LRFN5: variants seen among roughly 807,000 people sequenced by gnomAD.
The protein encoded by LRFN5 is leucine-rich repeat and fibronectin type-III domain-containing protein 5.
LRFN5 carries 24 observed loss-of-function variants against 45.6 expected under a neutral mutation model. The ratio of observed to expected loss-of-function variants is 0.53; its 90% CI spans 0.38 to 0.74. The LOEUF (loss-of-function observed/expected upper bound fraction) is 0.74, where lower values mean the gene tolerates loss of function less well. Ranked by LOEUF, LRFN5 falls within the 30% of genes least tolerant of loss-of-function variation. The pLI is 0.00. For missense variants in LRFN5, 776 were observed against 861.5 expected (o/e 0.90, Z 1.24); for synonymous variants, 340 against 313.8 (o/e 1.08, Z -0.88).
At chr14:41,692,126 T>C (rs1185602673) in intron 1 of LRFN5, among the ~76,000 whole-genome samples, 4 of 152,138 alleles carry the variant, frequency 2.6e-5, no homozygotes, top group Non-Finnish European at 5.9e-5. Context: ...AGGGTAGATG[T>C]ATATTAAAAT....
intron 1 of LRFN5, among the ~76,000 whole-genome samples, chr14:41,694,066 TTTA>T (rs763407589): frequency 7.2e-5 from 11 of 152,020 alleles, no homozygotes; most frequent in Non-Finnish European, 1.5e-4. Context: ...ATATACCAAT[TTTA>T]TTATTTTAAT....
intron 4 of LRFN5, 128 bp downstream of exon 4, chr14:41,892,090 C>G (rs1329761587): frequency 1.4e-6 from 2 of 1,456,296 alleles, no homozygotes; most frequent in Non-Finnish European, 1.8e-6. Flanking sequence ...CTAAAAGAAG[C>G]ATGTCTATGA....
At chr14:41,820,157 T>C (rs1208435277) in intron 2 of LRFN5, among the ~76,000 whole-genome samples, 3 of 152,026 alleles carry the variant, frequency 2.0e-5, no homozygotes, top group Non-Finnish European at 4.4e-5. Flanking sequence ...TTGTTGCATT[T>C]GCTTTTGAGG....
At chr14:41,747,060 CAT>C (rs1387972545) in intron 1 of LRFN5, among the ~76,000 whole-genome samples, 2 of 151,880 alleles carry the variant, frequency 1.3e-5, no homozygotes, top group African/African-American at 4.8e-5. Flanking sequence ...TGAAAGAAGA[CAT>C]AGATTAGAAA....
chr14:41,772,668 A>G (rs992478608), intron 2 of LRFN5, among the ~76,000 whole-genome samples: 19 of 152,178 alleles, frequency 1.2e-4, no homozygotes, highest in Admixed American at 9.8e-4. Flanking sequence ...TGATATATCT[A>G]ATTACCTACA....
chr14:41,634,194 C>G (rs959470360), intron 1 of LRFN5, among the ~76,000 whole-genome samples: 3 of 152,112 alleles, frequency 2.0e-5, no homozygotes, highest in Non-Finnish European at 4.4e-5. Flanking sequence ...GGGTATGCAT[C>G]ATAATGAGCT....
At chr14:41,791,125 A>C (rs1236479244) in intron 2 of LRFN5, among the ~76,000 whole-genome samples, 1 of 151,928 alleles carries the variant, frequency 6.6e-6, no homozygotes, top group Non-Finnish European at 1.5e-5. Flanking sequence ...TAACATTATT[A>C]ACCCAGATCA....
chr14:41,838,211 T>C (rs1240369268), intron 2 of LRFN5, among the ~76,000 whole-genome samples: 1 of 152,226 alleles, frequency 6.6e-6, no homozygotes, highest in African/African-American at 2.4e-5. Flanking sequence ...GGTTCTGACA[T>C]ATTATTTTTC....
intron 2 of LRFN5, among the ~76,000 whole-genome samples, chr14:41,835,970 A>G (rs2139042998): frequency 6.6e-6 from 1 of 151,220 alleles, no homozygotes; most frequent in Non-Finnish European, 1.5e-5. Flanking sequence ...GCTTTCAATT[A>G]TCCTCAGAAT....
At chr14:41,625,348 G>T (rs1888291428) in intron 1 of LRFN5, among the ~76,000 whole-genome samples, 1 of 152,090 alleles carries the variant, frequency 6.6e-6, no homozygotes, top group Admixed American at 6.6e-5. Context: ...GAGACCCATT[G>T]GTTTTATAAG....
chr14:41,617,682 G>T (rs983618660), intron 1 of LRFN5, among the ~76,000 whole-genome samples: 1 of 152,044 alleles, frequency 6.6e-6, no homozygotes, highest in Non-Finnish European at 1.5e-5. Context: ...CTGAGTCTGG[G>T]ATATAAATAT....
chr14:41,894,148 A>G (rs1890867326), intron 4 of LRFN5: 1 of 984,564 alleles, frequency 1.0e-6, no homozygotes, highest in Admixed American at 6.2e-5. Context: ...ATGAATCTTC[A>G]AAGACTTTCT....
intron 1 of LRFN5, chr14:41,700,416 A>G (rs1023950169): frequency 3.9e-5 from 6 of 152,158 alleles, no homozygotes; most frequent in Admixed American, 2.6e-4. Flanking sequence ...TGTGATGACA[A>G]GTTACAAGGC....
intron 2 of LRFN5, among the ~76,000 whole-genome samples, chr14:41,811,467 A>G (rs779608887): frequency 2.0e-5 from 3 of 152,128 alleles, no homozygotes; most frequent in Admixed American, 6.6e-5. Context: ...AAATACTTGT[A>G]CACAACTGTT....
chr14:41,873,112 C>T (rs965194022), intron 2 of LRFN5, among the ~76,000 whole-genome samples: 12 of 152,208 alleles, frequency 7.9e-5, no homozygotes, highest in South Asian at 6.2e-4. Context: ...GCAGTAATGA[C>T]GGCTGCTGCA....
At chr14:41,673,494 G>C (rs1286117019) in intron 1 of LRFN5, among the ~76,000 whole-genome samples, 21 of 147,372 alleles carry the variant, frequency 1.4e-4, no homozygotes, top group Admixed American at 3.3e-4. Flanking sequence ...CGGGCAGAGG[G>C]GCTCCTCACT....
chr14:41,897,980 C>G (rs950593893), intron 4 of LRFN5, among the ~76,000 whole-genome samples: 1 of 151,814 alleles, frequency 6.6e-6, no homozygotes, highest in African/African-American at 2.4e-5. Flanking sequence ...TGAAATATAC[C>G]GTGTTGGCTA....
intron 2 of LRFN5, among the ~76,000 whole-genome samples, chr14:41,791,785 A>G (rs1176468043): frequency 6.6e-6 from 1 of 152,092 alleles, no homozygotes; most frequent in African/African-American, 2.4e-5. Flanking sequence ...GATAATATCT[A>G]TGATCTATGT....
At chr14:41,889,122 A>G (rs2139157242) in intron 3 of LRFN5, among the ~76,000 whole-genome samples, 1 of 147,992 alleles carries the variant, frequency 6.8e-6, no homozygotes, top group Non-Finnish European at 1.5e-5. Context: ...CTCTATATAT[A>G]TATATATATT....
Sources: allele counts gnomAD v4.1 joint callset (sites outside exome capture counted in the v4.1 genomes callset), GRCh38; gene constraint gnomAD v4.1.1; transcripts MANE v1.5; gene names NCBI Gene and HGNC (gene_info 2026-07-23, HGNC 2026-07-21).